The following SYNE2 variants were observed in gnomAD, a reference collection of about 807,000 sequenced individuals.
SYNE2 encodes the protein spectrin repeat containing nuclear envelope protein 2.
In SYNE2, 431 loss-of-function variants were observed where a neutral mutation model predicts 856.3. The observed-to-expected ratio is 0.50, with a 90% CI of 0.47 to 0.55. The LOEUF (loss-of-function observed/expected upper bound fraction) is 0.55, where lower values mean the gene tolerates loss of function less well. SYNE2 is among the 20% of genes least tolerant of loss of function. SYNE2 has a pLI of 0.00. For missense variants in SYNE2, 8,129 were observed against 8,023.2 expected, an observed-to-expected ratio of 1.01 and a Z score of -0.50; for synonymous variants, 2,923 against 2,872.3, an observed-to-expected ratio of 1.02 and a Z score of -0.56.
At chr14:64,219,492 T>C (rs2098684458) in intron 110 of SYNE2, 82 bp downstream of exon 110, 1 of 1,364,092 alleles carries the variant, frequency 7.3e-7, no homozygotes, top group African/African-American at 1.4e-5. Flanking sequence ...AGATCCCATG[T>C]ATTCGTGGCA....
At chr14:63,947,182 G>A (rs1197429270) in intron 6 of SYNE2, among the ~76,000 whole-genome samples, 2 of 152,028 alleles carry the variant, frequency 1.3e-5, no homozygotes, top group Non-Finnish European at 2.9e-5. Context: ...TTTTTACTAT[G>A]AAGGTATTCT....
At chr14:63,991,508 C>G (rs2096665996) in intron 21 of SYNE2, among the ~76,000 whole-genome samples, 1 of 152,066 alleles carries the variant, frequency 6.6e-6, no homozygotes, top group Non-Finnish European at 1.5e-5. Flanking sequence ...CATACATTCT[C>G]TGAATGTAAA....
chr14:64,058,305 T>C (rs1273284916), intron 49 of SYNE2, among the ~76,000 whole-genome samples: 6 of 152,136 alleles, frequency 3.9e-5, no homozygotes, highest in Non-Finnish European at 7.3e-5. Context: ...TGATGAGAGA[T>C]AGGGGGTCTA....
At chr14:63,975,388 A>G (rs746707568) in intron 11 of SYNE2, among the ~76,000 whole-genome samples, 1 of 152,178 alleles carries the variant, frequency 6.6e-6, no homozygotes, top group Non-Finnish European at 1.5e-5. Flanking sequence ...GCTGGAGTGC[A>G]GTGGCATGAT....
chr14:63,773,936 CT>C (rs2139714287), intron 1 of SYNE2, among the ~76,000 whole-genome samples: 1 of 152,284 alleles, frequency 6.6e-6, no homozygotes, highest in East Asian at 1.9e-4. Context: ...TCTCATAGGA[CT>C]TTTACACCTA....
chr14:64,146,157 G>A lies in SYNE2; in HGVS notation c.15573G>A (p.Glu5191=). 1 of 1,612,904 alleles carries A rather than the reference G, an allele frequency of 6.2e-7. No individual in the cohort carries two copies. Among genetic ancestry groups the A allele is most frequent in the Non-Finnish European group, 8.5e-7 (1 of 1,179,552 alleles). ...ILNNWLEAQE[E]RLKTLQKPES... The stretch of plus-strand genomic sequence containing the variant: ...ACAACTGGCTGGAAGCACAAGAAGA[G>A]AGACTGAAAACTTTACAAAAACCTG... The change falls in exon 84 of 116, where the codon GAG becomes GAA. Residue 5191 remains glutamate, a synonymous_variant. Transcript: ENST00000555002.
In SYNE2 at chr14:64,162,261, C is replaced by G; in HGVS notation, c.16284C>G (p.Ala5428=). The change falls in exon 88 of 116, where the codon GCC becomes GCG. Residue 5428 remains alanine (A), a synonymous_variant. Transcript: ENST00000555002. ...ACCTGGCAGAGATCCTGCCCCCAGCCCTGCAGGACATAAAGGTGGGTACAA... is the reference window on the plus strand; with the variant it reads ...ACCTGGCAGAGATCCTGCCCCCAGCGCTGCAGGACATAAAGGTGGGTACAA... ...GNNLAEILPP[A]LQDIKELQHD... The G allele has an allele frequency of 6.2e-7, 1 of 1,614,160 alleles. No individual in the cohort carries two copies. Among genetic ancestry groups the G allele is most frequent in the South Asian group, 1.1e-5 (1 of 91,074 alleles).
chr14:64,056,155 T>C lies in SYNE2; in HGVS notation c.9956T>C (p.Met3319Thr). 6.2e-7 allele frequency: 1 copy of C among 1,614,148 alleles called. No homozygotes were observed. The highest frequency in any genetic ancestry group is 8.5e-7 in the Non-Finnish European group (1 of 1,180,022). The change falls in exon 49 of 116, where the codon ATG becomes ACG. Residue 3319 changes from methionine to threonine, a missense_variant. Physicochemically the swap from Met to Thr is moderately conservative, Grantham distance 81. Transcript: ENST00000555002. ...HIQDLTEKLG[M>T]ISSPEAKLQL... is the part of the protein sequence containing the mutation. ...CAGGACCTCACTGAGAAACTGGGAA[T>C]GATATCCAGCCCCGAAGCCAAACTA...
chr14:63,989,486 C>T (rs1175058452), intron 19 of SYNE2, among the ~76,000 whole-genome samples: 2 of 151,938 alleles, frequency 1.3e-5, no homozygotes, highest in Admixed American at 1.3e-4. Context: ...TATAGGCGCC[C>T]GCCACCACAC....
At chr14:64,183,951 A>AAGGGAG (rs1260333266) in intron 96 of SYNE2, among the ~76,000 whole-genome samples, 779 of 77,710 alleles carry the variant, frequency 0.01, 4 homozygotes, top group Non-Finnish European at 0.014. Flanking sequence ...ACGTGGAAAG[A>AAGGGAG]AGGGAGAGGG....
intron 1 of SYNE2, among the ~76,000 whole-genome samples, chr14:63,814,485 T>TTATATATATCCATATATATAA (rs1003682466): frequency 5.6e-5 from 2 of 35,928 alleles, no homozygotes; most frequent in Non-Finnish European, 1.4e-4. Context: ...ATATATATCC[T>TTATATATATCCATATATATAA]TATATATATC....
At chr14:63,974,878 GTGTGTGTGTGTGTGTATATA>G (rs1566949555) in intron 11 of SYNE2, among the ~76,000 whole-genome samples, 2 of 29,356 alleles carry the variant, frequency 6.8e-5, no homozygotes, top group African/African-American at 2.3e-4. Context: ...GTGTGTGTGT[GTGTGTGTGTGTGTGTATATA>G]TATATATATA....
chr14:64,138,912 TTGTGTGTGTGTGTGTG>T (rs143789075), intron 79 of SYNE2, among the ~76,000 whole-genome samples: 1 of 144,232 alleles, frequency 6.9e-6, no homozygotes, highest in African/African-American at 2.6e-5. Flanking sequence ...CAAATGCTGG[TTGTGTGTGTGTGTGTG>T]TGTGTGTGTG....
rs925258127 is a variant in SYNE2 at position 63,993,728 on chromosome 14, C to T, written c.2647-107C>T. The T allele has an allele frequency of 4.2e-6, 4 of 963,212 alleles. No homozygotes were observed. In the African/African-American group the frequency reaches 5.0e-5, roughly 12 times the overall value. The allele number at this position is 963,212 out of a possible 1,614,324, so 59.7% of individuals were successfully genotyped here. On this transcript the variant is annotated intron_variant, in intron 21 of 115. Coordinates refer to ENST00000555002, the MANE Select transcript of SYNE2 (RefSeq NM_182914.3). The stretch of plus-strand genomic sequence containing the variant: ...TCAGATATTCTTCAGAGAGCACCTT[C>T]CCACTTTACCAGTTAAAGACATACC...
At chr14:64,114,879 C>T (rs1306568688) in intron 66 of SYNE2, among the ~76,000 whole-genome samples, 3 of 152,130 alleles carry the variant, frequency 2.0e-5, no homozygotes, top group Non-Finnish European at 1.5e-5. Context: ...AGTCAGCCTC[C>T]CAAAGTGCTG....
chr14:63,779,913 AAAAT>A (rs1887247670), intron 1 of SYNE2, among the ~76,000 whole-genome samples: 1 of 152,174 alleles, frequency 6.6e-6, no homozygotes, highest in South Asian at 2.1e-4. Flanking sequence ...TCCATCTCAA[AAAAT>A]AAATAAACAA....
chr14:64,199,573 C>A (rs548816920), intron 99 of SYNE2, among the ~76,000 whole-genome samples: 15 of 152,030 alleles, frequency 9.9e-5, no homozygotes, highest in African/African-American at 3.6e-4. Context: ...CAAAAATTAG[C>A]TGAGCATGGT....
At chr14:63,853,377 C>G (rs573011248) in intron 1 of SYNE2, among the ~76,000 whole-genome samples, 1 of 151,824 alleles carries the variant, frequency 6.6e-6, no homozygotes, top group African/African-American at 2.4e-5. Flanking sequence ...GCGGGGCGCT[C>G]CGGGGATTGG....
chr14:64,149,509 G>GA (rs1173396103), intron 84 of SYNE2, among the ~76,000 whole-genome samples: 1 of 152,084 alleles, frequency 6.6e-6, no homozygotes, highest in Non-Finnish European at 1.5e-5. Flanking sequence ...TTGATGACTG[G>GA]AAAAAGGCCA....
Sources: allele counts gnomAD v4.1 joint callset (sites outside exome capture counted in the v4.1 genomes callset), GRCh38; gene constraint gnomAD v4.1.1; transcripts MANE v1.5; gene names NCBI Gene and HGNC (gene_info 2026-07-23, HGNC 2026-07-21).